TET1: variants seen among roughly 807,000 people sequenced by gnomAD.
TET1 encodes methylcytosine dioxygenase TET1.
A neutral mutation model predicts 148.7 loss-of-function variants in TET1; 13 were observed. The ratio of observed to expected loss-of-function variants is 0.09; its 90% CI spans 0.06 to 0.14. The LOEUF (loss-of-function observed/expected upper bound fraction) is 0.14, where lower values mean the gene tolerates loss of function less well. Ranked by LOEUF, TET1 falls within the 10% of genes least tolerant of loss-of-function variation. The pLI is 1.00. For missense variants in TET1, 2,182 were observed against 2,553.8 expected, an observed-to-expected ratio of 0.85 and a Z score of 3.14; for synonymous variants, 907 against 937.2, an observed-to-expected ratio of 0.97 and a Z score of 0.59.
At chr10:68,669,192 C>A (rs1187053417) in intron 7 of TET1, among the ~76,000 whole-genome samples, 1 of 152,038 alleles carries the variant, frequency 6.6e-6, no homozygotes, top group Non-Finnish European at 1.5e-5. Flanking sequence ...TTACAGTGAG[C>A]TCTGATTTTG....
At chr10:68,577,618 G>A (rs1421869847) in intron 2 of TET1, among the ~76,000 whole-genome samples, 1 of 151,734 alleles carries the variant, frequency 6.6e-6, no homozygotes. Context: ...GACCAGCCTG[G>A]CCAACATGGT....
intron 8 of TET1, among the ~76,000 whole-genome samples, chr10:68,673,693 G>C (rs2055305279): frequency 6.6e-6 from 1 of 151,880 alleles, no homozygotes; most frequent in African/African-American, 2.4e-5. Flanking sequence ...TTTATATATT[G>C]ATTAACTATA....
Position 68,651,743 on chromosome 10 carries a change from A to T in TET1, c.4277-103A>T, listed in dbSNP as rs550301749. 5.7e-6 allele frequency: 4 copies of T among 700,640 alleles called. No individual in the cohort carries two copies. The South Asian group carries it at 1.4e-4, about 24-fold the overall frequency. 43.4% of individuals were successfully genotyped at this position (700,640 alleles called of 1,614,324 possible). A position where few individuals can be genotyped will look rare whatever the true frequency, so the allele number is the denominator to read the frequency against. On this transcript the variant is annotated intron_variant, in intron 4 of 11. Coordinates refer to ENST00000373644, the MANE Select transcript of TET1 (RefSeq NM_030625.3). ...TCTTACCAAAACCTTGTCAAGATTC[A>T]TGGTTCTGAATTGAGGGGGAACAAA... is the stretch of plus-strand genomic sequence containing the variant.
chr10:68,624,084 T>TTTCC (rs1415695780), intron 3 of TET1, among the ~76,000 whole-genome samples: 18 of 147,512 alleles, frequency 1.2e-4, no homozygotes, highest in Middle Eastern at 3.4e-3. Context: ...TATTTTCTTT[T>TTTCC]TTCTTTCTTT....
chr10:68,602,776 G>A (rs911378941), intron 3 of TET1, among the ~76,000 whole-genome samples: 13 of 152,102 alleles, frequency 8.5e-5, no homozygotes, highest in African/African-American at 2.4e-5. Flanking sequence ...TCTATAGTTA[G>A]CAATTACTGT....
chr10:68,659,917 G>A (rs2055081264), intron 6 of TET1, among the ~76,000 whole-genome samples: 1 of 152,172 alleles, frequency 6.6e-6, no homozygotes, highest in South Asian at 2.1e-4. Context: ...GAATTGTATT[G>A]TAAAAGTCTC....
At chr10:68,615,707 G>A (rs1376328735) in intron 3 of TET1, among the ~76,000 whole-genome samples, 2 of 151,922 alleles carry the variant, frequency 1.3e-5, no homozygotes, top group African/African-American at 4.8e-5. Context: ...TGTCCAGGCT[G>A]GAGTGCAATG....
In TET1 at chr10:68,645,306, T is replaced by C. The variant is rs1368997622; in HGVS notation, c.2577T>C (p.Pro859=). 3.1e-6 allele frequency: 5 copies of C among 1,613,968 alleles called. No individual in the cohort carries two copies. Among genetic ancestry groups the C allele is most frequent in the Non-Finnish European group, 8.5e-7 (1 of 1,179,996 alleles). The stretch of plus-strand genomic sequence containing the variant: ...ATGAAGGTGATCAACCAAAAACTCC[T>C]GAGAATATACCAAGTAAAGAACCAA... The part of the protein sequence containing the change: ...IHNEGDQPKT[P]ENIPSKEPKD... Residue 859 remains proline (P), a synonymous_variant, in exon 4 of 12, where the codon CCT becomes CCC. Coordinates refer to ENST00000373644, the MANE Select transcript of TET1 (RefSeq NM_030625.3).
rs202159891 is a variant in TET1 at position 68,691,535 on chromosome 10, C to G, written c.6132C>G (p.Leu2044=). The G allele has an allele frequency of 9.3e-6, 15 of 1,614,036 alleles. No individual in the cohort carries two copies. Among genetic ancestry groups the G allele is most frequent in the Admixed American group, 1.7e-5 (1 of 60,008 alleles). The change falls in exon 12 of 12, where the codon CTC becomes CTG. Residue 2044 remains leucine, a synonymous_variant. Coordinates refer to ENST00000373644, the MANE Select transcript of TET1 (RefSeq NM_030625.3). The surrounding 1 kb of genome is among the most constrained non-coding windows in gnomAD (Gnocchi z 4.4). ...EHPNRNHPTR[L]SLVFYQHKNL... The stretch of plus-strand genomic sequence containing the variant: ...CCAACCGTAATCATCCAACCCGCCT[C>G]TCCCTTGTCTTTTACCAGCACAAAA...
intron 2 of TET1, among the ~76,000 whole-genome samples, chr10:68,583,697 C>T (rs186213299): frequency 7.9e-5 from 12 of 152,192 alleles, no homozygotes; most frequent in African/African-American, 2.4e-4. Flanking sequence ...CAGATCATGA[C>T]GTCAAGAGAT....
intron 6 of TET1, among the ~76,000 whole-genome samples, chr10:68,659,522 T>C (rs2055074867): frequency 6.6e-6 from 1 of 152,110 alleles, no homozygotes; most frequent in African/African-American, 2.4e-5. Context: ...TTTCACCATG[T>C]TACCCAGGCT....
intron 3 of TET1, among the ~76,000 whole-genome samples, chr10:68,616,350 G>GAATT (rs1564970031): frequency 4.0e-5 from 6 of 150,372 alleles, no homozygotes; most frequent in African/African-American, 1.5e-4. Context: ...TTTTGCATTT[G>GAATT]CTGATGATTA....
intron 2 of TET1, among the ~76,000 whole-genome samples, chr10:68,580,737 G>A (rs956618920): frequency 4.9e-4 from 69 of 140,808 alleles, no homozygotes; most frequent in Middle Eastern, 3.9e-3. Context: ...AGCCAAGATC[G>A]CACCATTGCA....
At chr10:68,640,624 T>C (rs1487777666) in intron 3 of TET1, among the ~76,000 whole-genome samples, 1 of 132,564 alleles carries the variant, frequency 7.5e-6, no homozygotes, top group African/African-American at 2.8e-5. Context: ...CTATCTAGGC[T>C]CACTGCAGGC....
intron 3 of TET1, among the ~76,000 whole-genome samples, chr10:68,623,773 G>A (rs2054408649): frequency 2.0e-5 from 3 of 152,126 alleles, no homozygotes; most frequent in Non-Finnish European, 4.4e-5. Flanking sequence ...ATTTAGCTGA[G>A]GTCTCACTTG....
At chr10:68,656,601 T>C (rs2055025402) in intron 6 of TET1, among the ~76,000 whole-genome samples, 1 of 152,236 alleles carries the variant, frequency 6.6e-6, no homozygotes, top group South Asian at 2.1e-4. Flanking sequence ...TTCCAAACTT[T>C]CCAGGTTATC....
intron 3 of TET1, among the ~76,000 whole-genome samples, chr10:68,631,613 G>A (rs10998347): frequency 0.31 from 46,307 of 151,708 alleles, 8,309 homozygotes; most frequent in Non-Finnish European, 0.41. Flanking sequence ...GTTATTGCCT[G>A]TGGGGAAAGA....
intron 2 of TET1, among the ~76,000 whole-genome samples, chr10:68,580,777 C>A (rs2053785396): frequency 1.1e-5 from 1 of 89,898 alleles, no homozygotes; most frequent in African/African-American, 4.3e-5. Context: ...AGCGAAACTC[C>A]ATCTCAAAAA....
chr10:68,597,909 T>A (rs12263768), intron 2 of TET1, among the ~76,000 whole-genome samples: 9,058 of 151,890 alleles, frequency 0.06, 641 homozygotes, highest in African/African-American at 0.17. Flanking sequence ...GTACTTAGAG[T>A]AGTCCATTTC....
Sources: gnomAD v4.1 joint callset for allele counts (sites outside exome capture counted in the v4.1 genomes callset) on GRCh38, gnomAD v4.1.1 for gene constraint, Gnocchi (gnomAD v3.1) non-coding constraint, MANE v1.5 for transcripts, NCBI Gene and HGNC (gene_info 2026-07-23, HGNC 2026-07-21) for gene names.